CCDC171: variants seen among roughly 807,000 people sequenced by gnomAD.
CCDC171 encodes the protein coiled-coil domain containing 171, also known as coiled-coil domain-containing protein 171.
In CCDC171, 177 loss-of-function variants were observed where a neutral mutation model predicts 168.2. The ratio of observed to expected loss-of-function variants is 1.05; its 90% confidence interval spans 0.93 to 1.19. The LOEUF (loss-of-function observed/expected upper bound fraction) is 1.19. CCDC171 is among the 50% of genes most tolerant of loss of function. CCDC171 has a pLI of 0.00. For missense variants in CCDC171, 1,991 were observed against 1,539.0 expected, an observed-to-expected ratio of 1.29 and a Z score of -4.91; for synonymous variants, 687 against 540.8, an observed-to-expected ratio of 1.27 and a Z score of -3.75.
At chr9:15,620,562 C>A (rs770547478) in intron 6 of CCDC171, among the ~76,000 whole-genome samples, 3 of 152,122 alleles carry the variant, frequency 2.0e-5, no homozygotes, top group Non-Finnish European at 4.4e-5. Context: ...TATAGATGAC[C>A]AAAGAAAATA....
At chr9:15,888,002 C>T (rs1458759509) in intron 24 of CCDC171, 1 of 152,232 alleles carries the variant, frequency 6.6e-6, no homozygotes, top group African/African-American at 2.4e-5. Flanking sequence ...CATATTCCCT[C>T]AGCTCCTAAA....
intron 3 of CCDC171, among the ~76,000 whole-genome samples, chr9:15,980,278 T>G (rs1831750690): frequency 6.6e-6 from 1 of 152,154 alleles, no homozygotes; most frequent in African/African-American, 2.4e-5. Context: ...GCCCCCGAAT[T>G]CAAACAACAA....
At chr9:15,830,726 A>G (rs1207055895) in intron 21 of CCDC171, among the ~76,000 whole-genome samples, 2 of 152,164 alleles carry the variant, frequency 1.3e-5, no homozygotes, top group Non-Finnish European at 2.9e-5. Flanking sequence ...AGGATAATCA[A>G]GAATCTTTGG....
intron 7 of CCDC171, among the ~76,000 whole-genome samples, chr9:15,648,028 A>G (rs2047190105): frequency 6.6e-6 from 1 of 152,240 alleles, no homozygotes; most frequent in Admixed American, 6.5e-5. Context: ...ATCCAGCAGC[A>G]CATCGAAAAG....
At chr9:16,059,576 G>T (rs1396747993) in intron 1 of CCDC171, among the ~76,000 whole-genome samples, 2 of 137,228 alleles carry the variant, frequency 1.5e-5, no homozygotes, top group Non-Finnish European at 3.0e-5. Context: ...CTGCAGTGGC[G>T]CAATCTCGGC....
chr9:16,073,226 G>A, the CCDC171 span, among the ~76,000 whole-genome samples: 2 of 152,200 alleles, frequency 1.3e-5, no homozygotes, highest in African/African-American at 4.8e-5. Context: ...CCCCAGGATG[G>A]CACAGCTTGC....
chr9:15,924,366 T>C (rs1174922858), intron 25 of CCDC171, among the ~76,000 whole-genome samples: 2 of 151,258 alleles, frequency 1.3e-5, no homozygotes, highest in Admixed American at 6.6e-5. Flanking sequence ...GTTAATGATA[T>C]TGCTACCTAA....
At chr9:15,933,354 AT>A (rs1277158513) in intron 25 of CCDC171, among the ~76,000 whole-genome samples, 1 of 151,750 alleles carries the variant, frequency 6.6e-6, no homozygotes, top group Non-Finnish European at 1.5e-5. Context: ...TGTGGTATCA[AT>A]TGTGATGTCT....
chr9:15,949,395 C>G (rs1175151036), intron 25 of CCDC171, among the ~76,000 whole-genome samples: 2 of 152,104 alleles, frequency 1.3e-5, no homozygotes. Context: ...GGCATTGAAT[C>G]TCTAAATTAC....
intron 10 of CCDC171, among the ~76,000 whole-genome samples, chr9:15,686,249 C>G (rs962218208): frequency 2.6e-5 from 4 of 152,228 alleles, no homozygotes; most frequent in Admixed American, 2.6e-4. Flanking sequence ...ATAGAAACAA[C>G]ATAAATTTTG....
intron 21 of CCDC171, among the ~76,000 whole-genome samples, chr9:15,797,661 C>T (rs1012047964): frequency 6.6e-6 from 1 of 151,940 alleles, no homozygotes; most frequent in Admixed American, 6.6e-5. Context: ...TTAACAGTAT[C>T]TTTCAAATAA....
chr9:15,936,424 C>A (rs745789175), intron 25 of CCDC171, among the ~76,000 whole-genome samples: 2 of 151,914 alleles, frequency 1.3e-5, no homozygotes. Context: ...ACAATCAGAA[C>A]ACACAGAGAG....
intron 2 of CCDC171, among the ~76,000 whole-genome samples, chr9:15,566,355 C>T (rs910756556): frequency 5.3e-5 from 8 of 151,870 alleles, no homozygotes; most frequent in African/African-American, 1.9e-4. Flanking sequence ...CCCAGGAGTT[C>T]GAGACCAGCC....
chr9:15,678,966 T>C (rs980924631), intron 10 of CCDC171, 70 bp downstream of exon 10: 2 of 1,139,156 alleles, frequency 1.8e-6, no homozygotes, highest in African/African-American at 3.2e-5. Context: ...GCAGGGTTTT[T>C]CCTCACCACA....
At chr9:16,004,204 G>T (rs1380720081) in intron 3 of CCDC171, among the ~76,000 whole-genome samples, 2 of 150,952 alleles carry the variant, frequency 1.3e-5, no homozygotes, top group Non-Finnish European at 3.0e-5. Flanking sequence ...ATTCACATTT[G>T]GGGTAACACA....
At chr9:15,642,462 T>C (rs1242181388) in intron 7 of CCDC171, among the ~76,000 whole-genome samples, 1 of 150,430 alleles carries the variant, frequency 6.6e-6, no homozygotes, top group Non-Finnish European at 1.5e-5. Flanking sequence ...TATGAAACAG[T>C]TTATGAATGT....
chr9:15,791,349 C>A (rs958970271), intron 21 of CCDC171, among the ~76,000 whole-genome samples: 1 of 152,002 alleles, frequency 6.6e-6, no homozygotes, highest in African/African-American at 2.4e-5. Flanking sequence ...ATTTTATTCT[C>A]TTTGAAGCAA....
intron 23 of CCDC171, among the ~76,000 whole-genome samples, chr9:15,871,211 AT>A (rs1302862850): frequency 1.3e-5 from 2 of 151,744 alleles, no homozygotes; most frequent in South Asian, 2.1e-4. Context: ...TTGATAACAG[AT>A]TTATATTGGG....
rs765380667 is a variant in CCDC171 at position 15,678,798 on chromosome 9, G to C, written c.1117G>C (p.Glu373Gln). 15 of 1,593,188 alleles carry C rather than the reference G, an allele frequency of 9.4e-6. No individual in the cohort carries two copies. The highest frequency in any genetic ancestry group is 1.4e-5 in the African/African-American group (1 of 73,570). Residue 373 changes from glutamate (E) to glutamine (Q), a missense_variant, in exon 10 of 26, where the codon GAA becomes CAA. Coordinates refer to ENST00000380701, the MANE Select transcript of CCDC171 (RefSeq NM_173550.4). ...EYFSKNKKLN[E>Q]DIEEQKKVII... ...TTTCTCCAAAAATAAGAAACTAAAT[G>C]AAGACATCGAGGAACAGAAGAAAGT...
Sources: gnomAD v4.1 joint callset for allele counts (sites outside exome capture counted in the v4.1 genomes callset) on GRCh38, gnomAD v4.1.1 for gene constraint, MANE v1.5 for transcripts, NCBI Gene and HGNC (gene_info 2026-07-23, HGNC 2026-07-21) for gene names.